Variants in MBD5 observed in about 807,000 individuals in gnomAD.
MBD5 encodes methyl-CpG-binding domain protein 5.
Under a neutral mutation model 117.3 loss-of-function variants are expected in MBD5, and 13 were observed. That is an observed-to-expected ratio of 0.11 (90% CI 0.07 to 0.18). MBD5 has a LOEUF of 0.18. Ranked by LOEUF, MBD5 falls within the 10% of genes least tolerant of loss-of-function variation. The pLI is 1.00. For synonymous variants in MBD5, 727 were observed against 766.4 expected (o/e 0.95, Z 0.85); for missense variants, 1,879 against 2,093.8 (o/e 0.90, Z 2.00).
chr2:148,135,676 A>C (rs1431781959), intron 1 of MBD5, among the ~76,000 whole-genome samples: 1 of 152,070 alleles, frequency 6.6e-6, no homozygotes, highest in African/African-American at 2.4e-5. Flanking sequence ...TTGAGTGGTG[A>C]GGGGCCCAGG....
At chr2:148,229,531 C>T (rs550336212) in intron 2 of MBD5, among the ~76,000 whole-genome samples, 9 of 152,218 alleles carry the variant, frequency 5.9e-5, no homozygotes, top group African/African-American at 2.2e-4. Context: ...GTCATGTTTT[C>T]CAGGATGGTG....
At chr2:148,270,794 G>T (rs1299515320) in intron 3 of MBD5, among the ~76,000 whole-genome samples, 1 of 151,880 alleles carries the variant, frequency 6.6e-6, no homozygotes, top group Non-Finnish European at 1.5e-5. Flanking sequence ...ACCTTTCTTG[G>T]ATTCCTACAG....
At chr2:148,207,455 CAAAA>C (rs3076428) in intron 2 of MBD5, among the ~76,000 whole-genome samples, 1 of 145,274 alleles carries the variant, frequency 6.9e-6, no homozygotes, top group Admixed American at 6.8e-5. Context: ...AAAAAAAGGA[CAAAA>C]AAAAAACCCT....
chr2:148,418,013 T>C (rs1226279720), intron 4 of MBD5, among the ~76,000 whole-genome samples: 1 of 152,044 alleles, frequency 6.6e-6, no homozygotes, highest in East Asian at 1.9e-4. Context: ...CTAATTTCTT[T>C]ATTTTCTGTG....
At chr2:148,455,155 GA>G (rs1162969757) in intron 4 of MBD5, among the ~76,000 whole-genome samples, 3 of 152,014 alleles carry the variant, frequency 2.0e-5, no homozygotes, top group Admixed American at 1.3e-4. Flanking sequence ...TGAGTGTTGC[GA>G]AAAAAATTGC....
chr2:148,466,907 G>C (rs6756344), intron 7 of MBD5, among the ~76,000 whole-genome samples: 127,497 of 152,208 alleles, frequency 0.84, 55,527 homozygotes, highest in South Asian at 0.98. Context: ...TAATTGTTAT[G>C]ATATGATTTG....
chr2:148,109,098 T>C (rs1309091561), intron 1 of MBD5, among the ~76,000 whole-genome samples: 2 of 152,190 alleles, frequency 1.3e-5, no homozygotes, highest in Non-Finnish European at 1.5e-5. Flanking sequence ...TGCAAAGCAG[T>C]TTGGCAATGT....
chr2:148,345,430 T>C (rs1380629468), intron 4 of MBD5, among the ~76,000 whole-genome samples: 1 of 98,058 alleles, frequency 1.0e-5, no homozygotes, highest in Non-Finnish European at 2.5e-5. Context: ...TATATACACA[T>C]ATACATATGT....
intron 2 of MBD5, among the ~76,000 whole-genome samples, chr2:148,219,298 G>A (rs1430541545): frequency 7.2e-5 from 11 of 152,102 alleles, no homozygotes; most frequent in Admixed American, 4.6e-4. Context: ...TAACCCACAC[G>A]GAGCTGTCAT....
At chr2:148,078,842 A>C (rs115723260) in intron 1 of MBD5, among the ~76,000 whole-genome samples, 57 of 152,330 alleles carry the variant, frequency 3.7e-4, no homozygotes, top group Non-Finnish European at 7.2e-4. Context: ...AGTAATTTGG[A>C]TTAGCCAATA....
Position 148,516,399 on chromosome 2 carries a change from C to G in MBD5, c.*3458C>G, listed in dbSNP as rs1682344315. ...TCTTATTTACTTTGCCCATTTATGC[C>G]CGAATGGTGTAATGCAAGACTCAAG... is the stretch of plus-strand genomic sequence containing the variant. On this transcript the variant is annotated 3_prime_UTR_variant, in exon 14 of 14. Transcript: ENST00000642680. 1.3e-5 allele frequency: 2 copies of G among 152,088 alleles called. No individual in the cohort carries two copies. The allele number at this position is 152,088 out of a possible 1,614,324, so 9.4% of individuals were successfully genotyped here.
intron 1 of MBD5, among the ~76,000 whole-genome samples, chr2:148,099,878 A>G (rs1436472903): frequency 6.6e-6 from 1 of 152,220 alleles, no homozygotes; most frequent in Non-Finnish European, 1.5e-5. Context: ...ATGATCATTC[A>G]TTCACATAAA....
At chr2:148,121,574 A>G (rs1419139347) in intron 1 of MBD5, among the ~76,000 whole-genome samples, 1 of 152,118 alleles carries the variant, frequency 6.6e-6, no homozygotes, top group Admixed American at 6.5e-5. Flanking sequence ...GTTTGTTTTT[A>G]TACCTTGCCT....
At position 148,429,616 on chromosome 2, in the gene MBD5, A is replaced by G. The variant is rs1034059641; in HGVS notation, c.-556-28587A>G. Among the ~76,000 whole-genome samples the G allele has an allele frequency of 3.9e-5, 6 of 152,180 alleles. No homozygotes were observed. The South Asian group carries it at 1.2e-3, about 31-fold the overall frequency. On this transcript the variant is annotated intron_variant, in intron 4 of 13. Transcript: ENST00000642680. ...CAACCCAAATGCTCATCAATGATAG[A>G]CTGAATAAGGAAAATTTGGCACATA...
chr2:148,352,004 G>A (rs189132841), intron 4 of MBD5, among the ~76,000 whole-genome samples: 158 of 152,158 alleles, frequency 1.0e-3, no homozygotes, highest in Admixed American at 5.4e-3. Context: ...GGCAGGTTTG[G>A]TATCCACAGA....
intron 1 of MBD5, among the ~76,000 whole-genome samples, chr2:148,116,704 TG>T (rs1392530562): frequency 1.3e-5 from 2 of 152,242 alleles, no homozygotes; most frequent in Admixed American, 1.3e-4. Context: ...TCACCATTCC[TG>T]TTTCTTGCAG....
At chr2:148,440,987 A>T (rs1047165178) in intron 4 of MBD5, among the ~76,000 whole-genome samples, 12 of 152,184 alleles carry the variant, frequency 7.9e-5, no homozygotes, top group Admixed American at 7.9e-4. Flanking sequence ...ACATTGTTAG[A>T]TGATTGAGAA....
chr2:148,162,796 T>C (rs1167616035), intron 1 of MBD5, among the ~76,000 whole-genome samples: 1 of 152,160 alleles, frequency 6.6e-6, no homozygotes, highest in Admixed American at 6.5e-5. Context: ...AAAATGAACC[T>C]TAATACCTCT....
intron 1 of MBD5, among the ~76,000 whole-genome samples, chr2:148,085,540 C>T (rs1422690188): frequency 9.2e-5 from 14 of 151,584 alleles, no homozygotes; most frequent in African/African-American, 3.2e-4. Context: ...CCGGCTAAAA[C>T]GGTGAAACCC....
Sources: gnomAD v4.1 joint callset for allele counts (sites outside exome capture counted in the v4.1 genomes callset) on GRCh38, gnomAD v4.1.1 for gene constraint, MANE v1.5 for transcripts, NCBI Gene and HGNC (gene_info 2026-07-23, HGNC 2026-07-21) for gene names.